RNF144A: variants seen among roughly 807,000 people sequenced by gnomAD.
RNF144A encodes the protein E3 ubiquitin-protein ligase RNF144A.
Under a neutral mutation model 38.7 loss-of-function variants are expected in RNF144A, and 11 were observed. That is an observed-to-expected ratio of 0.28 (90% CI 0.18 to 0.47). The LOEUF (loss-of-function observed/expected upper bound fraction) is 0.47, where lower values mean the gene tolerates loss of function less well. RNF144A is among the 20% of genes least tolerant of loss of function. The pLI, the probability that RNF144A is intolerant of heterozygous loss-of-function variation, is 0.99. For missense variants in RNF144A, 316 were observed against 377.2 expected (o/e 0.84, Z 1.34); for synonymous variants, 149 against 143.9 (o/e 1.04, Z -0.25).
downstream of RNF144A, among the ~76,000 whole-genome samples, chr2:7,071,543 T>C (rs1180624816): frequency 6.6e-6 from 1 of 152,228 alleles, no homozygotes; most frequent in Non-Finnish European, 1.5e-5. Flanking sequence ...AATTCCAGTT[T>C]CATTGCAGCA....
Position 6,958,173 on chromosome 2 carries a change from G to A in RNF144A, c.-12+17026G>A, listed in dbSNP as rs955081463. ...GGCACCGGGCGTGCTGTCTCTTCCT[G>A]GAAGGTGGAACTTGATCACCACTCT... On this transcript the variant is annotated intron_variant, in intron 2 of 8. Transcript: ENST00000320892. This position sits in a 1 kb window ranked among gnomAD's most constrained non-coding sequence, Gnocchi z 4.5. 6.6e-6 allele frequency among the ~76,000 whole-genome samples: 1 copy of A among 152,218 alleles called. No individual in the cohort carries two copies.
rs1261536155 is a variant in RNF144A at position 7,027,963 on chromosome 2, G to T, written c.658-2163G>T. 2.3e-5 allele frequency among the ~76,000 whole-genome samples: 3 copies of T among 129,304 alleles called. No individual in the cohort carries two copies. The East Asian group carries it at 8.2e-4, about 35-fold the overall frequency. 84.8% of individuals were successfully genotyped at this position (129,304 alleles called of 152,430 possible). A position where few individuals can be genotyped will look rare whatever the true frequency, so the allele number is the denominator to read the frequency against. Reference sequence around the variant, plus strand: ...CTCCGCTCCGTTGGACCCCATGCGGGTCTGGTGAGATGAGGGTGGGGGGCG... The same window carrying T: ...CTCCGCTCCGTTGGACCCCATGCGGTTCTGGTGAGATGAGGGTGGGGGGCG... On this transcript the variant is annotated intron_variant, in intron 7 of 8. Coordinates refer to ENST00000320892, the MANE Select transcript of RNF144A (RefSeq NM_014746.6).
At chr2:7,071,573 G>A (rs1041741013), downstream of RNF144A, among the ~76,000 whole-genome samples, 1 of 152,206 alleles carries the variant, frequency 6.6e-6, no homozygotes, top group African/African-American at 2.4e-5. Flanking sequence ...TCACATTTGT[G>A]TGATGATTAC....
At chr2:6,988,828 C>A (rs1252275122) in intron 2 of RNF144A, among the ~76,000 whole-genome samples, 1 of 152,200 alleles carries the variant, frequency 6.6e-6, no homozygotes, top group Non-Finnish European at 1.5e-5. Context: ...AATTTTTCTG[C>A]ATGAGAGATG....
At chr2:7,063,072 A>G (rs566683397) in intron 6 of RNF144A, among the ~76,000 whole-genome samples, 1 of 152,322 alleles carries the variant, frequency 6.6e-6, no homozygotes, top group South Asian at 2.1e-4. Context: ...GGAGGAGGAC[A>G]CCTAGTCTGA....
intron 2 of RNF144A, among the ~76,000 whole-genome samples, chr2:6,946,206 A>C (rs774719177): frequency 6.6e-6 from 1 of 152,244 alleles, no homozygotes; most frequent in Non-Finnish European, 1.5e-5. Context: ...TCATAGACAC[A>C]TGCATATACA....
At position 7,041,429 on chromosome 2, in the gene RNF144A, G is replaced by A. The variant is rs309303; in HGVS notation, c.*1669G>A. Reference sequence around the variant, plus strand: ...ACCCGAAGCCATTTAGAAAATCCCTGTGTGTCAAAATTACATTCAAAAAGC... The same window carrying A: ...ACCCGAAGCCATTTAGAAAATCCCTATGTGTCAAAATTACATTCAAAAAGC... On this transcript the variant is annotated 3_prime_UTR_variant, in exon 9 of 9. Transcript: ENST00000320892. 0.38 allele frequency: 372,377 copies of A among 985,474 alleles called. 71,149 individuals carry two copies. The highest frequency in any genetic ancestry group is 0.41 in the Admixed American group (6,678 of 16,260). 61.0% of individuals were successfully genotyped at this position (985,474 alleles called of 1,614,324 possible).
At chr2:7,024,207 G>A (rs1671721207) in intron 6 of RNF144A, among the ~76,000 whole-genome samples, 162 bp from the exon 7 acceptor site, 1 of 151,548 alleles carries the variant, frequency 6.6e-6, no homozygotes, top group Non-Finnish European at 1.5e-5. Context: ...TTTTTTTTCT[G>A]GAGTTTCTGT....
Position 7,020,474 on chromosome 2 carries a change from G to C in RNF144A, c.303G>C (p.Glu101Asp). The change falls in exon 6 of 9, where the codon GAG becomes GAC. Residue 101 changes from glutamate (E) to aspartate (D), a missense_variant and splice_region_variant. Physicochemically the swap from Glu to Asp is conservative, Grantham distance 45 (BLOSUM62 2). Transcript: ENST00000320892. ...QRYKKLQFER[E>D]VLFDPCRTWC... ...GTCCATTTTGTCTCACTGTACCAGA[G>C]GTGCTGTTTGATCCCTGTCGGACTT... 1 of 1,613,566 alleles carries C rather than the reference G, an allele frequency of 6.2e-7. No homozygotes were observed. Among genetic ancestry groups the C allele is most frequent in the Non-Finnish European group, 8.5e-7 (1 of 1,179,800 alleles).
chr2:6,928,149 T>G (rs1664993599), intron 1 of RNF144A, among the ~76,000 whole-genome samples: 2 of 152,244 alleles, frequency 1.3e-5, no homozygotes, highest in Admixed American at 6.5e-5. Flanking sequence ...CAGACTCAAC[T>G]GTTCAACCAG....
intron 8 of RNF144A, among the ~76,000 whole-genome samples, chr2:7,036,567 A>G (rs1332207830): frequency 2.0e-5 from 3 of 152,230 alleles, no homozygotes; most frequent in Non-Finnish European, 2.9e-5. Flanking sequence ...TACTTACACC[A>G]GGATGCTAAG....
chr2:6,919,274 C>G (rs1212366688), intron 1 of RNF144A, among the ~76,000 whole-genome samples: 1 of 152,126 alleles, frequency 6.6e-6, no homozygotes, highest in Non-Finnish European at 1.5e-5. Context: ...TGTGTGACAC[C>G]GTGAACTTTC....
chr2:7,024,804 C>T (rs539872017), intron 7 of RNF144A, among the ~76,000 whole-genome samples: 2 of 152,236 alleles, frequency 1.3e-5, no homozygotes, highest in South Asian at 4.2e-4. Context: ...TTTGTCTAAG[C>T]GGGGACTGTC....
rs541939091 is a variant in RNF144A, at chr2:7,014,315, G to C, written c.136-139G>C. On this transcript the variant is annotated intron_variant, in intron 3 of 8. Coordinates refer to ENST00000320892, the MANE Select transcript of RNF144A (RefSeq NM_014746.6). ...AATAAAACCTCAAAACCTCAAATGT[G>C]TTGGTTGCTGTGGACTACACAGTGA... The C allele has an allele frequency of 7.3e-5, 49 of 668,598 alleles. No individual in the cohort carries two copies. In the African/African-American group the frequency reaches 7.4e-4, roughly 10 times the overall value. 41.4% of individuals were successfully genotyped at this position (668,598 alleles called of 1,614,324 possible). A position where few individuals can be genotyped will look rare whatever the true frequency, so the allele number is the denominator to read the frequency against.
intron 2 of RNF144A, among the ~76,000 whole-genome samples, chr2:6,963,453 G>A (rs919214834): frequency 7.2e-5 from 11 of 152,086 alleles, no homozygotes; most frequent in East Asian, 1.9e-4. Context: ...TAAATTCCTC[G>A]TGACTTGGTT....
intron 1 of RNF144A, among the ~76,000 whole-genome samples, chr2:6,921,125 A>T (rs992952191): frequency 6.6e-6 from 1 of 152,334 alleles, no homozygotes; most frequent in South Asian, 2.1e-4. Context: ...GATTTTTTCC[A>T]AAGTGAAATG....
downstream of RNF144A, among the ~76,000 whole-genome samples, chr2:7,046,871 TTTTA>T (rs1441189436): frequency 1.3e-5 from 2 of 152,214 alleles, no homozygotes; most frequent in Non-Finnish European, 2.9e-5. Context: ...TAAAATATAT[TTTTA>T]TTTATTCTTA....
chr2:6,922,777 G>A (rs1226678852), intron 1 of RNF144A, among the ~76,000 whole-genome samples: 1 of 151,900 alleles, frequency 6.6e-6, no homozygotes, highest in Non-Finnish European at 1.5e-5. Flanking sequence ...GGCGCCCGCC[G>A]CCACACCCTG....
chr2:6,981,985 G>C (rs191649443), intron 2 of RNF144A, among the ~76,000 whole-genome samples: 248 of 152,280 alleles, frequency 1.6e-3, no homozygotes, highest in Non-Finnish European at 2.9e-3. Context: ...TTCACAAGGC[G>C]GCAGGAGAGA....
Sources: gnomAD v4.1 joint callset for allele counts (sites outside exome capture counted in the v4.1 genomes callset) on GRCh38, gnomAD v4.1.1 for gene constraint, Gnocchi (gnomAD v3.1) non-coding constraint, MANE v1.5 for transcripts, NCBI Gene and HGNC (gene_info 2026-07-23, HGNC 2026-07-21) for gene names.